YEATS2: variants seen among roughly 807,000 people sequenced by gnomAD.
YEATS2 encodes YEATS domain-containing protein 2.
In YEATS2, 77 loss-of-function variants were observed where a neutral mutation model predicts 163.2. That is an observed-to-expected ratio of 0.47 (90% CI 0.39 to 0.57). YEATS2 has a LOEUF of 0.57. Ranked by LOEUF, YEATS2 falls within the 20% of genes least tolerant of loss-of-function variation. The pLI is 0.00. For synonymous variants in YEATS2, 631 were observed against 645.1 expected (o/e 0.98, Z 0.33); for missense variants, 1,549 against 1,729.8 (o/e 0.90, Z 1.85).
intron 19 of YEATS2, among the ~76,000 whole-genome samples, chr3:183,781,279 G>T (rs746881597): frequency 5.9e-5 from 9 of 152,164 alleles, no homozygotes; most frequent in Non-Finnish European, 8.8e-5. Flanking sequence ...GGAGTGAGGG[G>T]CACACTGGCA....
chr3:183,754,403 A>G (rs1291511649), intron 11 of YEATS2, 38 bp downstream of exon 11: 19 of 1,554,424 alleles, frequency 1.2e-5, no homozygotes, highest in Non-Finnish European at 1.7e-5. Flanking sequence ...TGTGGAGTTG[A>G]CTGGATGTTA....
In YEATS2 at chr3:183,728,930, A is replaced by G. The variant is rs767629382; in HGVS notation, c.812+79A>G. On this transcript the variant is annotated intron_variant, in intron 7 of 30. Coordinates refer to ENST00000305135, the MANE Select transcript of YEATS2 (RefSeq NM_018023.5). Reference sequence around the variant, plus strand: ...GTGGAAGAAAAGTGATTTAACTTCAAAACATTTCCTGGAAATGCAGTAGTA... The same window carrying G: ...GTGGAAGAAAAGTGATTTAACTTCAGAACATTTCCTGGAAATGCAGTAGTA... The G allele has an allele frequency of 2.4e-4, 341 of 1,413,246 alleles. No individual in the cohort carries two copies. In the Middle Eastern group the frequency reaches 3.7e-3, roughly 15 times the overall value. The allele number at this position is 1,413,246 out of a possible 1,614,324, so 87.5% of individuals were successfully genotyped here. A position where few individuals can be genotyped will look rare whatever the true frequency, so the allele number is the denominator to read the frequency against.
chr3:183,736,595 GA>G (rs1409229876), intron 7 of YEATS2, 122 bp from the exon 8 acceptor site: 2 of 669,254 alleles, frequency 3.0e-6, no homozygotes, highest in African/African-American at 3.7e-5. Flanking sequence ...AGTTTTAAAC[GA>G]GGAAATCTAA....
chr3:183,762,096 G>C lies in YEATS2; in HGVS notation c.1765-1G>C. On this transcript the variant is annotated splice_acceptor_variant, in intron 14 of 30. Coordinates refer to ENST00000305135, the MANE Select transcript of YEATS2 (RefSeq NM_018023.5). LOFTEE classifies it high-confidence loss of function. ...TTCAGTGTCATTATGTTTGTTGCAA[G>C]GTGATCATCAAACAGGAACCTGGTG... is the stretch of plus-strand genomic sequence containing the variant. The C allele has an allele frequency of 6.2e-7, 1 of 1,614,052 alleles. No homozygotes were observed. The highest frequency in any genetic ancestry group is 8.5e-7 in the Non-Finnish European group (1 of 1,179,976).
At chr3:183,769,896 A>G (rs1156670880) in intron 15 of YEATS2, among the ~76,000 whole-genome samples, 1 of 151,642 alleles carries the variant, frequency 6.6e-6, no homozygotes, top group Non-Finnish European at 1.5e-5. Context: ...CATGTTGGCC[A>G]GGACAGTCTC....
chr3:183,774,566 A>G (rs1356310822), intron 17 of YEATS2, among the ~76,000 whole-genome samples: 1 of 152,170 alleles, frequency 6.6e-6, no homozygotes, highest in Non-Finnish European at 1.5e-5. Flanking sequence ...GACTCTACCT[A>G]GGTTTGTAAG....
At chr3:183,725,041 C>CTTTTTTTTTTTTTTTTTTT (rs62826962) in intron 6 of YEATS2, among the ~76,000 whole-genome samples, 4 of 87,524 alleles carry the variant, frequency 4.6e-5, no homozygotes, top group East Asian at 3.9e-4. Context: ...CCGTGCCGGC[C>CTTTTTTTTTTTTTTTTTTT]TTTTTTTTTT....
At chr3:183,761,965 T>G (rs1721400622) in intron 14 of YEATS2, 132 bp from the exon 15 acceptor site, 2 of 1,214,212 alleles carry the variant, frequency 1.6e-6, no homozygotes, top group Non-Finnish European at 1.2e-6. Context: ...ACCCTTCTGG[T>G]GGAGTCATTC....
At chr3:183,789,028 C>T (rs1392626406) in intron 20 of YEATS2, among the ~76,000 whole-genome samples, 1 of 151,908 alleles carries the variant, frequency 6.6e-6, no homozygotes, top group African/African-American at 2.4e-5. Context: ...ATTATTAATC[C>T]CTTGTCAGAT....
rs564746243 is a variant in YEATS2, at chr3:183,727,673, A to G, written c.651-1017A>G. ...CATGAATCTAAGAAGGGGGCCTCAT[A>G]CTGAAATAAAGACAGGGCCCATAAA... On this transcript the variant is annotated intron_variant, in intron 6 of 30. Transcript: ENST00000305135. Among the ~76,000 whole-genome samples the G allele has an allele frequency of 3.3e-5, 5 of 152,262 alleles. No homozygotes were observed. The South Asian group carries it at 1.0e-3, about 32-fold the overall frequency.
chr3:183,779,157 C>T (rs1026619228), intron 19 of YEATS2, among the ~76,000 whole-genome samples: 10 of 152,170 alleles, frequency 6.6e-5, no homozygotes, highest in African/African-American at 2.4e-4. Context: ...GGTCTGCCCG[C>T]CTCGGCCTCC....
Position 183,798,874 on chromosome 3 carries a change from T to C in YEATS2, c.3227-17T>C, listed in dbSNP as rs774255718. On this transcript the variant is annotated splice_polypyrimidine_tract_variant and intron_variant, in intron 22 of 30. Transcript: ENST00000305135. The stretch of plus-strand genomic sequence containing the variant: ...TTTTTGTATTTGTTATATCCCTCCC[T>C]CCTTTTTTCCCTTTAGTGGTTCAGT... 17 of 1,591,600 alleles carry C rather than the reference T, an allele frequency of 1.1e-5. No individual in the cohort carries two copies. Among genetic ancestry groups the C allele is most frequent in the Non-Finnish European group, 1.4e-5 (16 of 1,159,666 alleles).
intron 20 of YEATS2, 78 bp downstream of exon 20, chr3:183,786,379 A>G (rs1724069512): frequency 2.2e-6 from 3 of 1,371,082 alleles, no homozygotes; most frequent in East Asian, 2.3e-5. Context: ...TCCAGCAGGC[A>G]CACCAGTGGA....
intron 1 of YEATS2, among the ~76,000 whole-genome samples, chr3:183,707,973 G>A (rs934859274): frequency 4.6e-5 from 7 of 151,758 alleles, no homozygotes; most frequent in Admixed American, 1.3e-4. Context: ...CAGCATGCCC[G>A]GCGTCCCCCT....
chr3:183,768,360 A>C (rs1722120604), intron 15 of YEATS2, among the ~76,000 whole-genome samples: 1 of 152,210 alleles, frequency 6.6e-6, no homozygotes, highest in Non-Finnish European at 1.5e-5. Flanking sequence ...GTTAGCCAGA[A>C]AGCAAATGGC....
chr3:183,702,124 A>G (rs959991130), intron 1 of YEATS2, among the ~76,000 whole-genome samples: 5 of 152,026 alleles, frequency 3.3e-5, no homozygotes, highest in African/African-American at 1.2e-4. Flanking sequence ...TTTCCCCCTA[A>G]CTACTACAGA....
intron 1 of YEATS2, among the ~76,000 whole-genome samples, chr3:183,703,729 T>G (rs1714342825): frequency 6.6e-6 from 1 of 152,138 alleles, no homozygotes; most frequent in East Asian, 1.9e-4. Context: ...GGATATATAT[T>G]CTTAGAGTGT....
chr3:183,698,340 A>T (rs1189530590), intron 1 of YEATS2, among the ~76,000 whole-genome samples: 2 of 152,110 alleles, frequency 1.3e-5, no homozygotes, highest in Non-Finnish European at 2.9e-5. Context: ...CAGCACCAGA[A>T]AGTCGTGGGT....
In YEATS2 at chr3:183,729,836, CG is replaced by C. The variant is rs1717531531; in HGVS notation, c.812+986del. Among the ~76,000 whole-genome samples, 5 of 151,728 alleles carry C rather than the reference CG, an allele frequency of 3.3e-5. No homozygotes were observed. In the East Asian group the frequency reaches 9.7e-4, roughly 29 times the overall value. On this transcript the variant is annotated intron_variant, in intron 7 of 30. Transcript: ENST00000305135. ...CCAAGTAGCTGGGATTACAGGTGCCCGCCACCACACCCGGCTAATTTTTTTG... is the reference window on the plus strand; with the variant it reads ...CCAAGTAGCTGGGATTACAGGTGCCCCCACCACACCCGGCTAATTTTTTTG...
Sources: allele counts gnomAD v4.1 joint callset (sites outside exome capture counted in the v4.1 genomes callset), GRCh38; gene constraint gnomAD v4.1.1; transcripts MANE v1.5; gene names NCBI Gene and HGNC (gene_info 2026-07-23, HGNC 2026-07-21).